The following LMBRD2 variants were observed in gnomAD, a reference collection of about 807,000 sequenced individuals.
LMBRD2 encodes LMBR1 domain containing 2, also known as G protein-coupled receptor-associated protein LMBRD2.
In LMBRD2, 55 loss-of-function variants were observed where a neutral mutation model predicts 94.4. The observed-to-expected ratio is 0.58, with a 90% CI of 0.47 to 0.73. LMBRD2 has a LOEUF of 0.73. Ranked by LOEUF, LMBRD2 falls within the 30% of genes least tolerant of loss-of-function variation. LMBRD2 has a pLI of 0.00. For synonymous variants in LMBRD2, 246 were observed against 272.4 expected (o/e 0.90, Z 0.95); for missense variants, 640 against 831.9 (o/e 0.77, Z 2.84).
intron 17 of LMBRD2, 22 bp downstream of exon 17, chr5:36,105,032 GAATGCTAGAGCTAA>G: frequency 6.2e-7 from 1 of 1,600,558 alleles, no homozygotes; most frequent in Non-Finnish European, 8.5e-7. Context: ...AAGTGTAGAG[GAATGCTAGAGCTAA>G]AATGTCACAG....
At chr5:36,135,688 C>A (rs1400699216) in intron 6 of LMBRD2, among the ~76,000 whole-genome samples, 1 of 152,120 alleles carries the variant, frequency 6.6e-6, no homozygotes, top group African/African-American at 2.4e-5. Flanking sequence ...CTACAATAAT[C>A]TCTTTAAATC....
At chr5:36,146,354 TGAA>T (rs1462825615) in intron 1 of LMBRD2, among the ~76,000 whole-genome samples, 2 of 152,184 alleles carry the variant, frequency 1.3e-5, no homozygotes, top group Non-Finnish European at 2.9e-5. Context: ...CATCTTTCTC[TGAA>T]GAAGAATCCA....
intron 9 of LMBRD2, among the ~76,000 whole-genome samples, chr5:36,120,058 T>C (rs1209626395): frequency 1.4e-5 from 2 of 145,996 alleles, no homozygotes; most frequent in Non-Finnish European, 2.9e-5. Context: ...TCTCTCTCTC[T>C]CTTTATTTCT....
intron 6 of LMBRD2, among the ~76,000 whole-genome samples, chr5:36,133,060 A>G (rs115700424): frequency 0.016 from 2,510 of 152,140 alleles, 73 homozygotes; most frequent in African/African-American, 0.057. Flanking sequence ...GTATATAACC[A>G]AAACAAGGAA....
At chr5:36,109,845 T>C (rs547604799) in intron 15 of LMBRD2, 100 bp downstream of exon 15, 6 of 865,928 alleles carry the variant, frequency 6.9e-6, no homozygotes, top group Non-Finnish European at 8.9e-6. Context: ...TTTTCCACTG[T>C]TTTTTTCTGT....
chr5:36,150,761 C>T (rs927564342), intron 1 of LMBRD2, among the ~76,000 whole-genome samples: 1 of 152,198 alleles, frequency 6.6e-6, no homozygotes, highest in Non-Finnish European at 1.5e-5. Context: ...TCTCATCTTT[C>T]AAGAACGAGC....
Position 36,122,935 on chromosome 5 carries a change from C to G in LMBRD2, c.849G>C (p.Met283Ile), listed in dbSNP as rs374425943. Reference protein sequence around the residue: ...KKCPTEYQEKMGRNMDDYEDF... With the variant: ...KKCPTEYQEKIGRNMDDYEDF... Reference sequence around the variant, plus strand: ...CTTCATAATCATCCATGTTCCTACCCATTTTTTCCTGATACTCTGTAGGGC... The same window carrying G: ...CTTCATAATCATCCATGTTCCTACCGATTTTTTCCTGATACTCTGTAGGGC... The change falls in exon 8 of 18, where the codon ATG (methionine) becomes ATC (isoleucine). Residue 283 changes from methionine (M) to isoleucine (I), a missense_variant. Transcript: ENST00000296603. 3 of 1,559,114 alleles carry G rather than the reference C, an allele frequency of 1.9e-6. No homozygotes were observed. Among genetic ancestry groups the G allele is most frequent in the African/African-American group, 1.4e-5 (1 of 70,154 alleles).
chr5:36,124,775 G>C (rs1041522061), intron 6 of LMBRD2, among the ~76,000 whole-genome samples: 20 of 152,008 alleles, frequency 1.3e-4, no homozygotes, highest in Admixed American at 9.2e-4. Context: ...ACTGGCGGGC[G>C]CAGTGGCTCA....
intron 1 of LMBRD2, among the ~76,000 whole-genome samples, chr5:36,144,614 G>A (rs912100687): frequency 1.3e-5 from 2 of 152,278 alleles, no homozygotes; most frequent in East Asian, 3.9e-4. Flanking sequence ...AACCTGGAAG[G>A]CAGAGGTTGC....
chr5:36,133,043 C>G lies in LMBRD2; in HGVS notation c.747+3266G>C, dbSNP rs150500234. 1.6e-4 allele frequency among the ~76,000 whole-genome samples: 24 copies of G among 150,752 alleles called. No homozygotes were observed. In the East Asian group the frequency reaches 4.5e-3, roughly 28 times the overall value. ...GCTACCATGTGTTTCAGCAATTCCA[C>G]TGCTAGGTATATAACCAAAACAAGG... On this transcript the variant is annotated intron_variant, in intron 6 of 17. Coordinates refer to ENST00000296603, the MANE Select transcript of LMBRD2 (RefSeq NM_001007527.2).
Position 36,122,744 on chromosome 5 carries a change from A to G in LMBRD2, c.936+104T>C, listed in dbSNP as rs530801212. ...GAATGATAAGGACGGGATTAAAGGA[A>G]GTTTTAAATACACATTCACTAAAAA... On this transcript the variant is annotated intron_variant, in intron 8 of 17. Transcript: ENST00000296603. 1.4e-4 allele frequency: 191 copies of G among 1,343,134 alleles called. No individual in the cohort carries two copies. The African/African-American group carries it at 2.8e-3, about 20-fold the overall frequency. The allele number at this position is 1,343,134 out of a possible 1,614,324, so 83.2% of individuals were successfully genotyped here. A position where few individuals can be genotyped will look rare whatever the true frequency, so the allele number is the denominator to read the frequency against.
Position 36,143,395 on chromosome 5 carries a change from T to C in LMBRD2, c.-46A>G. 1.4e-6 allele frequency: 2 copies of C among 1,438,416 alleles called. No homozygotes were observed. The highest frequency in any genetic ancestry group is 1.9e-6 in the Non-Finnish European group (2 of 1,049,496). The allele number at this position is 1,438,416 out of a possible 1,614,324, so 89.1% of individuals were successfully genotyped here. A position where few individuals can be genotyped will look rare whatever the true frequency, so the allele number is the denominator to read the frequency against. On this transcript the variant is annotated 5_prime_UTR_variant, in exon 2 of 18. Coordinates refer to ENST00000296603, the MANE Select transcript of LMBRD2 (RefSeq NM_001007527.2). ...CTAACCAAAGTTATTCATGTACAGG[T>C]CTGGACCATATCTATAAAGTAAAAA...
intron 7 of LMBRD2, among the ~76,000 whole-genome samples, chr5:36,123,720 T>C (rs1020853062): frequency 1.3e-5 from 2 of 149,642 alleles, no homozygotes; most frequent in African/African-American, 4.9e-5. Context: ...AGTAAATATA[T>C]AAATATAAAT....
chr5:36,135,397 A>G (rs1011122625), intron 6 of LMBRD2, among the ~76,000 whole-genome samples: 1 of 152,218 alleles, frequency 6.6e-6, no homozygotes, highest in Non-Finnish European at 1.5e-5. Flanking sequence ...AGTTTGAGGA[A>G]CGAAAGTTGA....
In LMBRD2 at chr5:36,111,271, GA is replaced by G. The variant is rs1215290106; in HGVS notation, c.1641-14del. 4 of 1,552,794 alleles carry G rather than the reference GA, an allele frequency of 2.6e-6. No homozygotes were observed. Among genetic ancestry groups the G allele is most frequent in the Non-Finnish European group, 3.5e-6 (4 of 1,127,820 alleles). ...ACGGGTTCCCAAACTAATAAAAGCAGATTTTTTAAAAAGACAAACATTATTT... is the reference window on the plus strand; with the variant it reads ...ACGGGTTCCCAAACTAATAAAAGCAGTTTTTTAAAAAGACAAACATTATTT... On this transcript the variant is annotated splice_polypyrimidine_tract_variant and intron_variant, in intron 13 of 17. Coordinates refer to ENST00000296603, the MANE Select transcript of LMBRD2 (RefSeq NM_001007527.2).
chr5:36,119,136 A>T (rs1249337328), intron 9 of LMBRD2, among the ~76,000 whole-genome samples: 1 of 152,136 alleles, frequency 6.6e-6, no homozygotes, highest in East Asian at 1.9e-4. Flanking sequence ...TCCTCTCATA[A>T]TTCCTAGTGA....
intron 9 of LMBRD2, among the ~76,000 whole-genome samples, chr5:36,120,782 C>G (rs1022048281): frequency 5.9e-5 from 9 of 152,136 alleles, no homozygotes; most frequent in African/African-American, 2.2e-4. Flanking sequence ...ATGGTCAGGT[C>G]TTAATATATA....
At chr5:36,141,582 T>A (rs1744410699) in intron 3 of LMBRD2, among the ~76,000 whole-genome samples, 1 of 151,388 alleles carries the variant, frequency 6.6e-6, no homozygotes, top group African/African-American at 2.4e-5. Context: ...ATTTATAGGT[T>A]GGGTTTTTTT....
chr5:36,126,587 A>G (rs1744012943), intron 6 of LMBRD2, among the ~76,000 whole-genome samples: 1 of 152,166 alleles, frequency 6.6e-6, no homozygotes, highest in African/African-American at 2.4e-5. Flanking sequence ...AAAATTCTCT[A>G]TCTAGAAAAA....
Sources: allele counts gnomAD v4.1 joint callset (sites outside exome capture counted in the v4.1 genomes callset), GRCh38; gene constraint gnomAD v4.1.1; transcripts MANE v1.5; gene names NCBI Gene and HGNC (gene_info 2026-07-23, HGNC 2026-07-21).